CDH12: variants seen among roughly 807,000 people sequenced by gnomAD.
The protein encoded by CDH12 is cadherin-12.
Under a neutral mutation model 74.1 loss-of-function variants are expected in CDH12, and 41 were observed. That is an observed-to-expected ratio of 0.55 (90% CI 0.43 to 0.72). The LOEUF is 0.72. Ranked by LOEUF, CDH12 falls within the 30% of genes least tolerant of loss-of-function variation. The pLI is 0.00. For synonymous variants in CDH12, 399 were observed against 355.0 expected, an observed-to-expected ratio of 1.12 and a Z score of -1.39; for missense variants, 945 against 977.2, an observed-to-expected ratio of 0.97 and a Z score of 0.44.
At chr5:22,047,390 C>A (rs1181978118) in intron 5 of CDH12, among the ~76,000 whole-genome samples, 1 of 152,056 alleles carries the variant, frequency 6.6e-6, no homozygotes, top group Non-Finnish European at 1.5e-5. Flanking sequence ...ATTCTTCTAA[C>A]GTTGACTAAC....
chr5:22,345,736 G>T (rs1159263449), intron 3 of CDH12, among the ~76,000 whole-genome samples: 1 of 151,986 alleles, frequency 6.6e-6, no homozygotes, highest in African/African-American at 2.4e-5. Context: ...TTTGTCAAAC[G>T]TTTGTTGAAA....
At chr5:22,804,676 A>G (rs1225523770) in intron 1 of CDH12, among the ~76,000 whole-genome samples, 1 of 152,216 alleles carries the variant, frequency 6.6e-6, no homozygotes, top group Non-Finnish European at 1.5e-5. Flanking sequence ...TTCTTTACTT[A>G]AAGTCAACTG....
chr5:22,166,539 G>T (rs1416756594), intron 4 of CDH12, among the ~76,000 whole-genome samples: 1 of 152,096 alleles, frequency 6.6e-6, no homozygotes, highest in East Asian at 1.9e-4. Context: ...TTGCTAAAAA[G>T]ATTTTAAAAG....
intron 2 of CDH12, among the ~76,000 whole-genome samples, chr5:22,456,080 C>T (rs879440239): frequency 2.0e-5 from 3 of 149,772 alleles, no homozygotes; most frequent in Non-Finnish European, 4.4e-5. Flanking sequence ...CAATAGCACG[C>T]CATTATTCAT....
chr5:22,304,266 G>T (rs1043938809), intron 3 of CDH12, among the ~76,000 whole-genome samples: 51 of 152,164 alleles, frequency 3.4e-4, no homozygotes, highest in African/African-American at 1.2e-3. Flanking sequence ...TTGGCTACAG[G>T]TTACACTCAT....
At chr5:21,794,285 T>A (rs1008422165) in intron 10 of CDH12, among the ~76,000 whole-genome samples, 3 of 151,794 alleles carry the variant, frequency 2.0e-5, no homozygotes, top group Non-Finnish European at 4.4e-5. Context: ...TTGCTTTTTT[T>A]TGTTTTTCAT....
intron 5 of CDH12, among the ~76,000 whole-genome samples, chr5:22,075,109 A>C (rs987506372): frequency 7.9e-5 from 12 of 152,156 alleles, no homozygotes; most frequent in African/African-American, 2.7e-4. Context: ...GCACATATAC[A>C]CCATGGAATT....
At chr5:22,086,296 C>A (rs1478765076) in intron 4 of CDH12, among the ~76,000 whole-genome samples, 1 of 151,810 alleles carries the variant, frequency 6.6e-6, no homozygotes, top group East Asian at 1.9e-4. Flanking sequence ...TGTTAGGAAG[C>A]CAAAATATGC....
At chr5:21,847,056 T>C (rs112704159) in intron 7 of CDH12, among the ~76,000 whole-genome samples, 2,000 of 152,210 alleles carry the variant, frequency 0.013, 40 homozygotes, top group African/African-American at 0.045. Context: ...ATGGTGAGGT[T>C]GGAGCGTAAG....
At chr5:22,766,559 G>T (rs979760644) in intron 1 of CDH12, among the ~76,000 whole-genome samples, 3 of 152,044 alleles carry the variant, frequency 2.0e-5, no homozygotes, top group Non-Finnish European at 4.4e-5. Context: ...GTACATTCCA[G>T]TGGAGAAGAG....
At chr5:22,410,750 T>C (rs891337870) in intron 2 of CDH12, among the ~76,000 whole-genome samples, 6 of 152,178 alleles carry the variant, frequency 3.9e-5, no homozygotes, top group African/African-American at 1.4e-4. Context: ...ATGCTAGACA[T>C]GAAGAAGATT....
intron 1 of CDH12, among the ~76,000 whole-genome samples, chr5:22,847,972 C>G (rs1382523204): frequency 6.6e-6 from 1 of 152,094 alleles, no homozygotes; most frequent in Admixed American, 6.5e-5. Flanking sequence ...CAACCTCCGC[C>G]TCCTGGGTTC....
intron 9 of CDH12, among the ~76,000 whole-genome samples, chr5:21,804,663 C>A (rs1229813731): frequency 3.3e-4 from 50 of 150,324 alleles, no homozygotes; most frequent in African/African-American, 8.8e-4. Flanking sequence ...CACACACACA[C>A]ACACACACAC....
At chr5:22,377,456 C>T (rs1488980503) in intron 3 of CDH12, among the ~76,000 whole-genome samples, 1 of 152,118 alleles carries the variant, frequency 6.6e-6, no homozygotes, top group Non-Finnish European at 1.5e-5. Context: ...GCTTCCAGCA[C>T]AGTGAGGGCC....
intron 1 of CDH12, among the ~76,000 whole-genome samples, chr5:22,779,459 T>C (rs1747276352): frequency 6.6e-6 from 1 of 152,188 alleles, no homozygotes; most frequent in African/African-American, 2.4e-5. Context: ...CAGACAACTT[T>C]ATCAAAACAT....
chr5:22,319,458 G>C (rs1012935069), intron 3 of CDH12, among the ~76,000 whole-genome samples: 1 of 152,058 alleles, frequency 6.6e-6, no homozygotes, highest in Non-Finnish European at 1.5e-5. Context: ...CGGAAATTTA[G>C]GGTTTGTCTA....
At chr5:22,726,492 GATAGT>G (rs1744170457) in intron 1 of CDH12, among the ~76,000 whole-genome samples, 1 of 151,756 alleles carries the variant, frequency 6.6e-6, no homozygotes, top group South Asian at 2.1e-4. Flanking sequence ...GTGATTGCTG[GATAGT>G]ATAGTAAACA....
At chr5:22,753,192 C>T (rs1404716402) in intron 1 of CDH12, among the ~76,000 whole-genome samples, 1 of 151,870 alleles carries the variant, frequency 6.6e-6, no homozygotes, top group African/African-American at 2.4e-5. Flanking sequence ...ACTCAAGAAA[C>T]AGAAGTTTAT....
At chr5:21,931,809 G>A (rs1754852136) in intron 6 of CDH12, among the ~76,000 whole-genome samples, 1 of 152,154 alleles carries the variant, frequency 6.6e-6, no homozygotes. Flanking sequence ...CTGGCCTTAA[G>A]AAGAGACAAA....
Sources: gnomAD v4.1 joint callset for allele counts (sites outside exome capture counted in the v4.1 genomes callset) on GRCh38, gnomAD v4.1.1 for gene constraint, MANE v1.5 for transcripts, NCBI Gene and HGNC (gene_info 2026-07-23, HGNC 2026-07-21) for gene names.